The following COL4A6 variants were observed in gnomAD, a reference collection of about 807,000 sequenced individuals.
The protein encoded by COL4A6 is collagen type IV alpha 6 chain.
Under a neutral mutation model 126.7 loss-of-function variants are expected in COL4A6, and 59 were observed. That is an observed-to-expected ratio of 0.47 (90% CI 0.38 to 0.58). The LOEUF (loss-of-function observed/expected upper bound fraction) is 0.58, where lower values mean the gene tolerates loss of function less well. Ranked by LOEUF, COL4A6 falls within the 20% of genes least tolerant of loss-of-function variation. The probability of loss-of-function intolerance (pLI) is 0.00; values close to 1 mark genes in which losing one functional copy is unlikely to be tolerated. For missense variants in COL4A6, 1,285 were observed against 1,337.3 expected (o/e 0.96, Z 0.61); for synonymous variants, 547 against 496.6 (o/e 1.10, Z -1.35).
intron 3 of COL4A6, among the ~76,000 whole-genome samples, chrX:108,292,799 C>T (rs1332549343): frequency 9.2e-6 from 1 of 108,483 alleles, no homozygotes; most frequent in Non-Finnish European, 1.9e-5. Context: ...CTTACTGCTG[C>T]CACCACACAG....
At chrX:108,243,742 GATGCATCACTCACATACCC>G (rs1022344180) in intron 3 of COL4A6, among the ~76,000 whole-genome samples, 23 of 111,700 alleles carry the variant, frequency 2.1e-4, no homozygotes, top group Non-Finnish European at 2.8e-4. Context: ...CAATGTCAAA[GATGCATCACTCACATACCC>G]ATGCATCACT....
chrX:108,350,026 G>C (rs1249528056), intron 2 of COL4A6, among the ~76,000 whole-genome samples: 1 of 111,635 alleles, frequency 9.0e-6, no homozygotes, highest in Non-Finnish European at 1.9e-5. Context: ...AATTGGCAGA[G>C]CTAGAAATCT....
At chrX:108,161,823 C>G (rs370785310) in intron 41 of COL4A6, 88 bp from the exon 42 acceptor site, 123 of 578,077 alleles carry the variant, frequency 2.1e-4, no homozygotes, top group South Asian at 1.8e-3. Context: ...GTGTCATGCC[C>G]AAGACTCACT....
At chrX:108,428,566 T>C (rs927674175) in intron 2 of COL4A6, among the ~76,000 whole-genome samples, 2 of 110,616 alleles carry the variant, frequency 1.8e-5, no homozygotes, top group African/African-American at 6.6e-5. Flanking sequence ...AAAAAAATAA[T>C]TATTGGGTAC....
At chrX:108,195,052 C>T (rs764869952) in intron 15 of COL4A6, 30 bp downstream of exon 15, 1 of 1,163,036 alleles carries the variant, frequency 8.6e-7, no homozygotes, top group South Asian at 1.9e-5. Flanking sequence ...ATTTTATACC[C>T]CAAGGCTTTA....
intron 4 of COL4A6, among the ~76,000 whole-genome samples, chrX:108,220,333 C>T (rs140790143): frequency 0.016 from 1,753 of 111,957 alleles, 34 homozygotes; most frequent in African/African-American, 0.053. Flanking sequence ...GTATCTTCCT[C>T]CCCTGAGCTG....
At chrX:108,332,490 T>C (rs967099148) in intron 2 of COL4A6, among the ~76,000 whole-genome samples, 1 of 112,003 alleles carries the variant, frequency 8.9e-6, no homozygotes, top group African/African-American at 3.2e-5. Flanking sequence ...AAGCATTCTC[T>C]TTTCTCTGCA....
chrX:108,175,772 T>G lies in COL4A6; in HGVS notation c.2712A>C (p.Val904=). The change falls in exon 29 of 45, where the codon GTA becomes GTC. Residue 904 remains valine (V), a synonymous_variant. Transcript: ENST00000334504. ...GCAGACCTGGTATTCCTGGAAAACC[T>G]ACGAATCCAACAGACCCCTTCTCTC... ...PKGEKGSVGF[V]GFPGIPGLPG... 1 of 1,196,608 alleles carries G rather than the reference T, an allele frequency of 8.4e-7. No homozygotes were observed.
intron 3 of COL4A6, among the ~76,000 whole-genome samples, chrX:108,307,607 C>G (rs1290479682): frequency 8.9e-6 from 1 of 112,190 alleles, no homozygotes; most frequent in African/African-American, 3.2e-5. Context: ...TGATGTTTCC[C>G]CAAGGCAGGG....
At chrX:108,256,453 C>G (rs1229483796) in intron 3 of COL4A6, among the ~76,000 whole-genome samples, 1 of 111,530 alleles carries the variant, frequency 9.0e-6, no homozygotes, top group Non-Finnish European at 1.9e-5. Flanking sequence ...GCAATCTTCA[C>G]AACCTTATGA....
chrX:108,192,822 C>G (rs768836430), intron 17 of COL4A6, among the ~76,000 whole-genome samples: 1 of 112,700 alleles, frequency 8.9e-6, no homozygotes, highest in South Asian at 3.7e-4. Context: ...ATGATAAGCT[C>G]TGGTAAGTAC....
At chrX:108,350,857 G>A (rs1426151287) in intron 2 of COL4A6, among the ~76,000 whole-genome samples, 2 of 111,049 alleles carry the variant, frequency 1.8e-5, no homozygotes, top group African/African-American at 3.3e-5. Context: ...TTCTGGTTTC[G>A]GGACAATGCG....
chrX:108,356,218 G>C (rs189106068), intron 2 of COL4A6, among the ~76,000 whole-genome samples: 1 of 105,921 alleles, frequency 9.4e-6, no homozygotes, highest in African/African-American at 3.5e-5. Context: ...TTGTCCTTGC[G>C]ATAGTTTACT....
At chrX:108,167,875 T>A in intron 37 of COL4A6, among the ~76,000 whole-genome samples, 1 of 112,401 alleles carries the variant, frequency 8.9e-6, no homozygotes, top group East Asian at 2.8e-4. Flanking sequence ...AGATGTCACT[T>A]GTTTTGAATT....
rs73535887 is a variant in COL4A6 at position 108,168,666 on chromosome X, T to C, written c.3691+829A>G. Among the ~76,000 whole-genome samples the C allele has an allele frequency of 4.8e-3, 544 of 112,170 alleles. 7 individuals are homozygous for C. The highest frequency in any genetic ancestry group is 0.016 in the South Asian group (42 of 2,651). On this transcript the variant is annotated intron_variant, in intron 37 of 44. Coordinates refer to ENST00000334504, the MANE Select transcript of COL4A6 (RefSeq NM_033641.4). ...ACCTATGAGGTAGGTTCTGTTATAA[T>C]GTTCATTTTATGGAAAAGGAAAACT...
At chrX:108,422,906 G>A (rs1189014859) in intron 2 of COL4A6, among the ~76,000 whole-genome samples, 4 of 111,677 alleles carry the variant, frequency 3.6e-5, no homozygotes, top group Non-Finnish European at 5.6e-5. Context: ...GTGCAGTAGA[G>A]GGATTTGGCA....
intron 2 of COL4A6, among the ~76,000 whole-genome samples, chrX:108,381,609 G>C (rs139640758): frequency 3.0e-3 from 336 of 111,412 alleles, no homozygotes; most frequent in African/African-American, 0.011. Context: ...TGGAATATTA[G>C]TACCTAACTC....
chrX:108,399,945 C>T lies in COL4A6; in HGVS notation c.63+37997G>A, dbSNP rs186302272. 1.0e-3 allele frequency among the ~76,000 whole-genome samples: 112 copies of T among 111,358 alleles called. 4 individuals carry two copies. The East Asian group carries it at 0.031, about 31-fold the overall frequency. ...GAGTTTACTGTGTTCCTTTTAGTGCCTGAAAGCCATTCTATTGCTGTCATC... is the reference window on the plus strand; with the variant it reads ...GAGTTTACTGTGTTCCTTTTAGTGCTTGAAAGCCATTCTATTGCTGTCATC... On this transcript the variant is annotated intron_variant, in intron 2 of 44. Transcript: ENST00000334504.
chrX:108,394,340 G>C (rs772069201), intron 2 of COL4A6, among the ~76,000 whole-genome samples: 1 of 109,613 alleles, frequency 9.1e-6, no homozygotes, highest in Non-Finnish European at 1.9e-5. Context: ...GGGGTTGATG[G>C]GTGCAGCAAA....
Sources: allele counts gnomAD v4.1 joint callset (sites outside exome capture counted in the v4.1 genomes callset), GRCh38; gene constraint gnomAD v4.1.1; transcripts MANE v1.5; gene names NCBI Gene and HGNC (gene_info 2026-07-23, HGNC 2026-07-21).